SKAP2: variants seen among roughly 807,000 people sequenced by gnomAD.
SKAP2 encodes the protein src kinase associated phosphoprotein 2.
SKAP2 carries 28 observed loss-of-function variants against 54.9 expected under a neutral mutation model. The observed-to-expected ratio is 0.51, with a 90% confidence interval of 0.38 to 0.70. The LOEUF (loss-of-function observed/expected upper bound fraction) is 0.70. SKAP2 is among the 30% of genes least tolerant of loss of function. The pLI is 0.00. For missense variants in SKAP2, 356 were observed against 424.1 expected, an observed-to-expected ratio of 0.84 and a Z score of 1.41; for synonymous variants, 137 against 134.3, an observed-to-expected ratio of 1.02 and a Z score of -0.14.
At chr7:26,724,481 T>C (rs1787653804) in intron 9 of SKAP2, among the ~76,000 whole-genome samples, 1 of 152,218 alleles carries the variant, frequency 6.6e-6, no homozygotes, top group African/African-American at 2.4e-5. Context: ...CTGTATTGTC[T>C]TGAAAATGAC....
At chr7:26,689,000 G>C (rs990326926) in intron 10 of SKAP2, among the ~76,000 whole-genome samples, 2 of 152,110 alleles carry the variant, frequency 1.3e-5, no homozygotes, top group African/African-American at 4.8e-5. Flanking sequence ...TATAGGACTA[G>C]AGTGCTAACA....
At chr7:26,756,606 T>C (rs975239720) in intron 4 of SKAP2, among the ~76,000 whole-genome samples, 7 of 152,220 alleles carry the variant, frequency 4.6e-5, no homozygotes, top group East Asian at 1.9e-4. Context: ...TGGTTCCAAG[T>C]CTTTGCTATT....
intron 4 of SKAP2, among the ~76,000 whole-genome samples, chr7:26,760,697 T>C (rs1451552244): frequency 2.0e-5 from 3 of 152,202 alleles, no homozygotes; most frequent in African/African-American, 4.8e-5. Flanking sequence ...TGTGGGCAAC[T>C]GAAACCACAG....
intron 4 of SKAP2, among the ~76,000 whole-genome samples, chr7:26,806,483 G>A (rs1784026253): frequency 6.6e-6 from 1 of 152,190 alleles, no homozygotes; most frequent in South Asian, 2.1e-4. Flanking sequence ...AAACAGGTAG[G>A]AGAAGCCCTT....
At chr7:26,733,184 A>T (rs1787857399) in intron 6 of SKAP2, among the ~76,000 whole-genome samples, 1 of 152,086 alleles carries the variant, frequency 6.6e-6, no homozygotes, top group African/African-American at 2.4e-5. Flanking sequence ...CTTTCATATC[A>T]AAGACCCAAA....
chr7:26,659,895 T>C, the SKAP2 span, among the ~76,000 whole-genome samples: 2 of 152,152 alleles, frequency 1.3e-5, no homozygotes, highest in Non-Finnish European at 2.9e-5. Flanking sequence ...AACTAGCTTT[T>C]AATACCTAAT....
intron 4 of SKAP2, among the ~76,000 whole-genome samples, chr7:26,831,326 C>T (rs1185955934): frequency 6.6e-6 from 1 of 152,122 alleles, no homozygotes; most frequent in Non-Finnish European, 1.5e-5. Context: ...GATATATTTG[C>T]TATAGCAAAT....
intron 4 of SKAP2, among the ~76,000 whole-genome samples, chr7:26,777,635 A>G (rs935116419): frequency 1.3e-5 from 2 of 152,152 alleles, no homozygotes; most frequent in Admixed American, 6.6e-5. Context: ...GGGAATATAA[A>G]TGAGTACCCA....
intron 4 of SKAP2, among the ~76,000 whole-genome samples, chr7:26,810,054 G>C (rs1340552092): frequency 6.6e-6 from 1 of 152,050 alleles, no homozygotes; most frequent in East Asian, 1.9e-4. Context: ...TAAAAAGTTG[G>C]GCTGGGCACA....
At chr7:26,786,599 G>A (rs1483044600) in intron 4 of SKAP2, among the ~76,000 whole-genome samples, 1 of 152,204 alleles carries the variant, frequency 6.6e-6, no homozygotes, top group Non-Finnish European at 1.5e-5. Context: ...GGGACCTAAG[G>A]CAGTGGCGAG....
intron 9 of SKAP2, among the ~76,000 whole-genome samples, chr7:26,711,567 G>A (rs747287233): frequency 9.9e-5 from 15 of 152,202 alleles, no homozygotes; most frequent in Non-Finnish European, 1.9e-4. Flanking sequence ...CTACACAGTT[G>A]ATGAAGGCAG....
intron 11 of SKAP2, among the ~76,000 whole-genome samples, chr7:26,682,141 A>G (rs1786517299): frequency 6.6e-6 from 1 of 152,240 alleles, no homozygotes; most frequent in South Asian, 2.1e-4. Flanking sequence ...TTAATTTGTA[A>G]TAATATCAAG....
intron 9 of SKAP2, among the ~76,000 whole-genome samples, chr7:26,721,860 G>A (rs1265478770): frequency 6.6e-6 from 1 of 152,136 alleles, no homozygotes; most frequent in African/African-American, 2.4e-5. Context: ...AATTTCACGA[G>A]TATTATTTTC....
chr7:26,857,583 C>T (rs1698493121), intron 1 of SKAP2: 2 of 985,396 alleles, frequency 2.0e-6, no homozygotes, highest in Non-Finnish European at 1.2e-6. Flanking sequence ...GACCAAGCGC[C>T]GCAAAGAAGT....
intron 9 of SKAP2, among the ~76,000 whole-genome samples, chr7:26,692,456 T>C (rs1184115597): frequency 6.6e-6 from 1 of 152,060 alleles, no homozygotes; most frequent in Admixed American, 6.5e-5. Context: ...TGGGGATGAA[T>C]CAAAATCAGC....
At chr7:26,681,393 G>A (rs916621404) in intron 11 of SKAP2, among the ~76,000 whole-genome samples, 1 of 152,192 alleles carries the variant, frequency 6.6e-6, no homozygotes, top group Non-Finnish European at 1.5e-5. Context: ...GCGGTGAGCC[G>A]AGATCGTGCC....
At chr7:26,822,313 C>T (rs1292799053) in intron 4 of SKAP2, among the ~76,000 whole-genome samples, 1 of 152,134 alleles carries the variant, frequency 6.6e-6, no homozygotes, top group Non-Finnish European at 1.5e-5. Flanking sequence ...CACTTTGTAT[C>T]TCTGTGTCAC....
intron 4 of SKAP2, among the ~76,000 whole-genome samples, chr7:26,800,679 G>A (rs1317521102): frequency 6.6e-6 from 1 of 152,136 alleles, no homozygotes; most frequent in Non-Finnish European, 1.5e-5. Context: ...AAGTGATACT[G>A]CAGAAATTCA....
chr7:26,690,954 C>T (rs943403211), intron 9 of SKAP2, among the ~76,000 whole-genome samples: 4 of 152,128 alleles, frequency 2.6e-5, no homozygotes, highest in Admixed American at 2.6e-4. Context: ...CTATAATGAT[C>T]TTCATCCTTT....
Sources: allele counts gnomAD v4.1 joint callset (sites outside exome capture counted in the v4.1 genomes callset), GRCh38; gene constraint gnomAD v4.1.1; transcripts MANE v1.5; gene names NCBI Gene and HGNC (gene_info 2026-07-23, HGNC 2026-07-21).